FAM171B: variants seen among roughly 807,000 people sequenced by gnomAD.
FAM171B encodes the protein family with sequence similarity 171 member B, also known as protein FAM171B.
A neutral mutation model predicts 75.6 loss-of-function variants in FAM171B; 19 were observed. The observed-to-expected ratio is 0.25, with a 90% CI of 0.18 to 0.37. The LOEUF (loss-of-function observed/expected upper bound fraction) is 0.37. FAM171B is among the 10% of genes least tolerant of loss of function. The probability of loss-of-function intolerance (pLI) is 1.00; values close to 1 mark genes in which losing one functional copy is unlikely to be tolerated. For synonymous variants in FAM171B, 367 were observed against 361.7 expected (o/e 1.01, Z -0.17); for missense variants, 848 against 982.4 (o/e 0.86, Z 1.83).
At chr2:186,711,853 A>G (rs534574143) in intron 1 of FAM171B, among the ~76,000 whole-genome samples, 14 of 152,258 alleles carry the variant, frequency 9.2e-5, no homozygotes, top group African/African-American at 2.4e-4. Context: ...TACTTTCTCC[A>G]TGAGGCTTTT....
At chr2:186,719,296 T>C (rs919755253) in intron 1 of FAM171B, among the ~76,000 whole-genome samples, 1 of 152,228 alleles carries the variant, frequency 6.6e-6, no homozygotes, top group Non-Finnish European at 1.5e-5. Flanking sequence ...GTTCCATTTT[T>C]TTCTTCATTG....
chr2:186,742,895 A>T (rs1470233654), intron 2 of FAM171B, among the ~76,000 whole-genome samples: 2 of 152,194 alleles, frequency 1.3e-5, no homozygotes, highest in South Asian at 2.1e-4. Context: ...TCAGCTGCCT[A>T]TGCTTGTAGG....
At chr2:186,709,126 C>T (rs915364750) in intron 1 of FAM171B, among the ~76,000 whole-genome samples, 6 of 151,974 alleles carry the variant, frequency 3.9e-5, no homozygotes, top group African/African-American at 1.5e-4. Flanking sequence ...CGCTTTTAAA[C>T]GACCAGATCT....
chr2:186,743,120 A>T (rs1690314387), intron 2 of FAM171B, among the ~76,000 whole-genome samples: 1 of 152,138 alleles, frequency 6.6e-6, no homozygotes, highest in South Asian at 2.1e-4. Flanking sequence ...AAAAATTTTT[A>T]AATCTTAATA....
intron 1 of FAM171B, among the ~76,000 whole-genome samples, chr2:186,712,058 G>A (rs1426198807): frequency 6.6e-6 from 1 of 152,128 alleles, no homozygotes; most frequent in East Asian, 1.9e-4. Flanking sequence ...AATGCCTTGT[G>A]CTCAGTAAGT....
At chr2:186,751,110 T>C (rs1342840862) in intron 4 of FAM171B, 24 bp from the exon 5 acceptor site, 1 of 1,542,986 alleles carries the variant, frequency 6.5e-7, no homozygotes, top group South Asian at 1.3e-5. Context: ...ACATATGATT[T>C]TAATAAACTG....
At position 186,747,218 on chromosome 2, in the gene FAM171B, T is replaced by C; in HGVS notation, c.692T>C (p.Leu231Pro). Residue 231 changes from leucine (L) to proline (P), a missense_variant, in exon 4 of 8, where the codon CTG becomes CCG. Physicochemically the swap from Leu to Pro is moderately conservative, Grantham distance 98. Transcript: ENST00000304698. ...LQQFLKVDNF[L>P]HTTGITLNKP... ...CAGTTTTTGAAAGTGGACAATTTTC[T>C]GCATACAACTGGAATTACTCTCAAT... 1 of 1,605,640 alleles carries C rather than the reference T, an allele frequency of 6.2e-7. No individual in the cohort carries two copies. Among genetic ancestry groups the C allele is most frequent in the Non-Finnish European group, 8.5e-7 (1 of 1,177,196 alleles).
At chr2:186,716,467 T>A (rs1689876059) in intron 1 of FAM171B, among the ~76,000 whole-genome samples, 1 of 152,246 alleles carries the variant, frequency 6.6e-6, no homozygotes, top group Non-Finnish European at 1.5e-5. Context: ...ATTATACATA[T>A]CCTATTGCAG....
chr2:186,699,560 T>C (rs1407886524), intron 1 of FAM171B, among the ~76,000 whole-genome samples: 1 of 152,202 alleles, frequency 6.6e-6, no homozygotes, highest in African/African-American at 2.4e-5. Flanking sequence ...GGCAGATACT[T>C]TCTCCCATTC....
intron 1 of FAM171B, among the ~76,000 whole-genome samples, chr2:186,701,418 G>C (rs531606947): frequency 6.6e-6 from 1 of 152,004 alleles, no homozygotes; most frequent in Non-Finnish European, 1.5e-5. Flanking sequence ...TCTAACTATA[G>C]TCCTCATGCT....
chr2:186,752,146 T>C (rs1423092462), intron 5 of FAM171B, among the ~76,000 whole-genome samples: 1 of 152,198 alleles, frequency 6.6e-6, no homozygotes, highest in South Asian at 2.1e-4. Flanking sequence ...GCAGAAGCCC[T>C]TGGACTCACT....
chr2:186,755,063 G>T (rs1690513532), intron 6 of FAM171B, among the ~76,000 whole-genome samples: 1 of 152,076 alleles, frequency 6.6e-6, no homozygotes, highest in Admixed American at 6.6e-5. Context: ...AAATTATCTA[G>T]ATAATTTGTA....
Position 186,740,481 on chromosome 2 carries a change from TTTTTTGTTTG to T in FAM171B, c.472+27_472+36del. ...TGCCAAGTAAGCACTTAAACAGTTT[TTTTTTGTTTG>T]TTTTTGCTAAATGTAAATGAATTAT... is the stretch of plus-strand genomic sequence containing the variant. On this transcript the variant is annotated intron_variant, in intron 2 of 7. Coordinates refer to ENST00000304698, the MANE Select transcript of FAM171B (RefSeq NM_177454.4). The T allele has an allele frequency of 6.3e-7, 1 of 1,578,956 alleles. No homozygotes were observed. The highest frequency in any genetic ancestry group is 8.6e-7 in the Non-Finnish European group (1 of 1,158,194).
chr2:186,716,187 A>G (rs1015571086), intron 1 of FAM171B, among the ~76,000 whole-genome samples: 1 of 152,074 alleles, frequency 6.6e-6, no homozygotes. Context: ...TGATTTTTAA[A>G]TTGTTTTGTA....
At chr2:186,742,248 G>A (rs773340278) in intron 2 of FAM171B, among the ~76,000 whole-genome samples, 28 of 152,142 alleles carry the variant, frequency 1.8e-4, no homozygotes, top group South Asian at 4.2e-4. Context: ...CAATTTTCAC[G>A]TGAAAAGAAA....
chr2:186,713,794 A>G (rs1393072190), intron 1 of FAM171B, among the ~76,000 whole-genome samples: 1 of 152,258 alleles, frequency 6.6e-6, no homozygotes, highest in East Asian at 1.9e-4. Context: ...CAAGAAAAAT[A>G]TATTTGAAAG....
chr2:186,720,955 G>T (rs1330706493), intron 1 of FAM171B, among the ~76,000 whole-genome samples: 1 of 152,118 alleles, frequency 6.6e-6, no homozygotes, highest in Non-Finnish European at 1.5e-5. Context: ...GGGTGCTTGT[G>T]CCTCTAGGGG....
At chr2:186,733,909 G>A (rs1190989591) in intron 1 of FAM171B, among the ~76,000 whole-genome samples, 1 of 152,130 alleles carries the variant, frequency 6.6e-6, no homozygotes, top group Non-Finnish European at 1.5e-5. Flanking sequence ...CCTAGGTCTG[G>A]GCTCCCTGAA....
Position 186,761,040 on chromosome 2 carries a change from C to A in FAM171B, c.1013-73C>A, listed in dbSNP as rs956668253. ...GTATGTACACTTATTCAATTTGCCT[C>A]ACCCAGGATGTGACATAGTTGAGAA... is the stretch of plus-strand genomic sequence containing the variant. On this transcript the variant is annotated intron_variant, in intron 6 of 7. Transcript: ENST00000304698. 4 of 1,486,200 alleles carry A rather than the reference C, an allele frequency of 2.7e-6. No individual in the cohort carries two copies. The South Asian group carries it at 3.9e-5, about 15-fold the overall frequency. The allele number at this position is 1,486,200 out of a possible 1,614,324, so 92.1% of individuals were successfully genotyped here.
Sources: gnomAD v4.1 joint callset for allele counts (sites outside exome capture counted in the v4.1 genomes callset) on GRCh38, gnomAD v4.1.1 for gene constraint, MANE v1.5 for transcripts, NCBI Gene and HGNC (gene_info 2026-07-23, HGNC 2026-07-21) for gene names.